Variants in PID1 observed in about 807,000 individuals in gnomAD.
The protein encoded by PID1 is phosphotyrosine interaction domain containing 1.
PID1 carries 10 observed loss-of-function variants against 19.1 expected under a neutral mutation model. The observed-to-expected ratio is 0.52, with a 90% CI of 0.32 to 0.89. The LOEUF (loss-of-function observed/expected upper bound fraction) is 0.89, where lower values mean the gene tolerates loss of function less well. Among genes scored for constraint, PID1 ranks in the 40% least tolerant of loss-of-function variants. The probability of loss-of-function intolerance (pLI) is 0.03; values close to 1 mark genes in which losing one functional copy is unlikely to be tolerated. For synonymous variants in PID1, 130 were observed against 116.0 expected (o/e 1.12, Z -0.78); for missense variants, 248 against 285.3 (o/e 0.87, Z 0.94).
At position 229,212,061 on chromosome 2, in the gene PID1, A is replaced by G. The variant is rs746482680; in HGVS notation, c.31-56097T>C. Reference sequence around the variant, plus strand: ...AGGTGGTATCAAACTGGTTGAATGTATAACAATTCCAGACCTACTCAGTTT... The same window carrying G: ...AGGTGGTATCAAACTGGTTGAATGTGTAACAATTCCAGACCTACTCAGTTT... On this transcript the variant is annotated intron_variant, in intron 1 of 2. Coordinates refer to ENST00000392055, the MANE Select transcript of PID1 (RefSeq NM_001100818.2). 6.6e-5 allele frequency among the ~76,000 whole-genome samples: 10 copies of G among 151,740 alleles called. No homozygotes were observed. The South Asian group carries it at 1.9e-3, about 29-fold the overall frequency.
At chr2:229,131,294 G>A (rs752278658) in intron 2 of PID1, among the ~76,000 whole-genome samples, 126 of 150,032 alleles carry the variant, frequency 8.4e-4, no homozygotes, top group African/African-American at 2.4e-3. Context: ...GCAGTGTTGC[G>A]ATCTCAGCTC....
At chr2:229,221,015 T>C (rs541925509) in intron 1 of PID1, among the ~76,000 whole-genome samples, 3 of 152,328 alleles carry the variant, frequency 2.0e-5, no homozygotes, top group South Asian at 2.1e-4. Context: ...TCCCACTGAA[T>C]TGGCCGATCA....
chr2:229,081,534 G>C (rs892940042), intron 2 of PID1, among the ~76,000 whole-genome samples: 2 of 152,158 alleles, frequency 1.3e-5, no homozygotes, highest in African/African-American at 4.8e-5. Context: ...GAAGGGCTTG[G>C]GAGAGGAATG....
intron 2 of PID1, among the ~76,000 whole-genome samples, chr2:229,069,699 G>A (rs1253192388): frequency 2.0e-5 from 3 of 152,124 alleles, no homozygotes; most frequent in Admixed American, 6.6e-5. Flanking sequence ...ATTCTTGGGC[G>A]TCAATACCTG....
intron 2 of PID1, among the ~76,000 whole-genome samples, chr2:229,035,998 G>T (rs35888052): frequency 0.069 from 10,453 of 152,224 alleles, 485 homozygotes; most frequent in Admixed American, 0.13. Flanking sequence ...TATTCCTAAA[G>T]AACTCTGAAA....
intron 2 of PID1, among the ~76,000 whole-genome samples, chr2:229,089,128 T>C (rs1694822508): frequency 6.6e-6 from 1 of 151,122 alleles, no homozygotes; most frequent in African/African-American, 2.4e-5. Context: ...AGAGAGAGAG[T>C]GGAGAAACGT....
intron 2 of PID1, among the ~76,000 whole-genome samples, chr2:229,031,087 A>G (rs1473432788): frequency 6.6e-6 from 1 of 151,418 alleles, no homozygotes; most frequent in Non-Finnish European, 1.5e-5. Context: ...GTGGTGGCAG[A>G]CACCTGTAGT....
chr2:229,199,365 T>C (rs1316660457), intron 1 of PID1, among the ~76,000 whole-genome samples: 1 of 152,036 alleles, frequency 6.6e-6, no homozygotes, highest in African/African-American at 2.4e-5. Flanking sequence ...ATTTATTGTA[T>C]GCCTTCCACC....
At chr2:229,149,334 A>G (rs1339419052) in intron 2 of PID1, among the ~76,000 whole-genome samples, 1 of 152,192 alleles carries the variant, frequency 6.6e-6, no homozygotes, top group Admixed American at 6.5e-5. Context: ...GATCAACGGA[A>G]CCCAAAGATT....
intron 1 of PID1, among the ~76,000 whole-genome samples, chr2:229,174,623 A>G (rs945069159): frequency 1.2e-4 from 18 of 151,636 alleles, no homozygotes; most frequent in Admixed American, 8.5e-4. Flanking sequence ...TGTCAGTACC[A>G]CAGATATACT....
chr2:229,252,239 A>T (rs1263469465), intron 1 of PID1, among the ~76,000 whole-genome samples: 3 of 152,246 alleles, frequency 2.0e-5, no homozygotes, highest in Non-Finnish European at 4.4e-5. Context: ...GAAAGGAGGA[A>T]GAGAGAAGCA....
chr2:229,097,343 T>C (rs147952852), intron 2 of PID1, among the ~76,000 whole-genome samples: 1 of 152,296 alleles, frequency 6.6e-6, no homozygotes, highest in East Asian at 1.9e-4. Context: ...AGACTAGATA[T>C]AAATCAGGGT....
At chr2:229,228,237 A>C (rs1692125252) in intron 1 of PID1, among the ~76,000 whole-genome samples, 1 of 152,062 alleles carries the variant, frequency 6.6e-6, no homozygotes, top group Non-Finnish European at 1.5e-5. Context: ...ACTTGTTCAT[A>C]TGACTATGAA....
At chr2:229,241,471 T>C (rs1574751846) in intron 1 of PID1, among the ~76,000 whole-genome samples, 1 of 152,146 alleles carries the variant, frequency 6.6e-6, no homozygotes, top group South Asian at 2.1e-4. Flanking sequence ...GAAAAGCCTA[T>C]AAAACACTAT....
In PID1 at chr2:229,167,134, G is replaced by T. The variant is rs561233303; in HGVS notation, c.31-11170C>A. Among the ~76,000 whole-genome samples the T allele has an allele frequency of 3.9e-5, 6 of 152,074 alleles. No individual in the cohort carries two copies. The South Asian group carries it at 1.0e-3, about 26-fold the overall frequency. ...GTAAAGTTATACTTTTATAAATATAGAAGAAATTATCAAAATCTAAAGTTA... is the reference window on the plus strand; with the variant it reads ...GTAAAGTTATACTTTTATAAATATATAAGAAATTATCAAAATCTAAAGTTA... On this transcript the variant is annotated intron_variant, in intron 1 of 2. Transcript: ENST00000392055.
At chr2:229,054,715 TGTGTGG>T (rs1485108020) in intron 2 of PID1, among the ~76,000 whole-genome samples, 1,458 of 14,322 alleles carry the variant, frequency 0.1, 15 homozygotes, top group South Asian at 0.24. Flanking sequence ...TGTGTGTGTG[TGTGTGG>T]GGGGGGGGGG....
intron 2 of PID1, among the ~76,000 whole-genome samples, chr2:229,037,274 G>A (rs867260171): frequency 3.3e-5 from 5 of 151,980 alleles, no homozygotes; most frequent in Non-Finnish European, 2.9e-5. Context: ...TATATACCAC[G>A]GAGGAAAAAG....
chr2:229,051,483 A>C (rs537113205), intron 2 of PID1, among the ~76,000 whole-genome samples: 1 of 152,152 alleles, frequency 6.6e-6, no homozygotes, highest in South Asian at 2.1e-4. Flanking sequence ...GATTACAGGC[A>C]TGTGCCACCA....
intron 1 of PID1, among the ~76,000 whole-genome samples, chr2:229,164,810 G>A (rs189501897): frequency 9.2e-5 from 14 of 152,242 alleles, no homozygotes; most frequent in South Asian, 4.1e-4. Flanking sequence ...AGGGTGCAGC[G>A]GAATCCCTGA....
Sources: allele counts gnomAD v4.1 joint callset (sites outside exome capture counted in the v4.1 genomes callset), GRCh38; gene constraint gnomAD v4.1.1; transcripts MANE v1.5; gene names NCBI Gene and HGNC (gene_info 2026-07-23, HGNC 2026-07-21).